Variants in TSPAN7 observed in about 807,000 individuals in gnomAD.
The protein encoded by TSPAN7 is tetraspanin-7.
A neutral mutation model predicts 17.6 loss-of-function variants in TSPAN7; 1 was observed. The observed-to-expected ratio is 0.06, with a 90% CI of 0.02 to 0.27. The LOEUF (loss-of-function observed/expected upper bound fraction) is 0.27, where lower values mean the gene tolerates loss of function less well. Ranked by LOEUF, TSPAN7 falls within the 10% of genes least tolerant of loss-of-function variation. The pLI is 1.00. For synonymous variants in TSPAN7, 78 were observed against 79.0 expected, an observed-to-expected ratio of 0.99 and a Z score of 0.07; for missense variants, 112 against 201.7, an observed-to-expected ratio of 0.56 and a Z score of 2.69.
At chrX:38,680,697 A>G (rs2069884755) in intron 5 of TSPAN7, among the ~76,000 whole-genome samples, 1 of 110,683 alleles carries the variant, frequency 9.0e-6, no homozygotes, top group Non-Finnish European at 1.9e-5. Context: ...ACTTCCCTCT[A>G]GCCAGATGAT....
chrX:38,679,890 A>G (rs1453613542), intron 5 of TSPAN7, among the ~76,000 whole-genome samples: 2 of 111,585 alleles, frequency 1.8e-5, no homozygotes, highest in African/African-American at 6.5e-5. Context: ...TCAAATTTGC[A>G]TCAGATAACT....
At chrX:38,575,846 T>G in intron 1 of TSPAN7, among the ~76,000 whole-genome samples, 1 of 111,943 alleles carries the variant, frequency 8.9e-6, no homozygotes, top group Non-Finnish European at 1.9e-5. Flanking sequence ...CTTCCTTCAT[T>G]CAGAAAGCTT....
chrX:38,659,034 A>ACACC (rs1388622996), intron 1 of TSPAN7, among the ~76,000 whole-genome samples: 1 of 85,073 alleles, frequency 1.2e-5, no homozygotes, highest in Non-Finnish European at 2.3e-5. Context: ...ACACACACAC[A>ACACC]CACACCCACA....
intron 5 of TSPAN7, 109 bp downstream of exon 5, chrX:38,675,969 G>A (rs2069851373): frequency 2.0e-6 from 2 of 984,906 alleles, no homozygotes; most frequent in Admixed American, 5.2e-5. Context: ...TCAAGGGAAA[G>A]AGAATCTTAC....
intron 5 of TSPAN7, among the ~76,000 whole-genome samples, chrX:38,678,501 G>A (rs772216713): frequency 8.9e-6 from 1 of 111,997 alleles, no homozygotes; most frequent in South Asian, 3.7e-4. Context: ...AGAGATTGTT[G>A]TGAGTAGATA....
intron 1 of TSPAN7, among the ~76,000 whole-genome samples, chrX:38,635,196 A>G (rs748012766): frequency 9.0e-6 from 1 of 111,718 alleles, no homozygotes; most frequent in African/African-American, 3.3e-5. Flanking sequence ...ACTTCCTTCC[A>G]TGAAAATAAA....
chrX:38,669,304 A>G (rs1358209451), intron 2 of TSPAN7, among the ~76,000 whole-genome samples: 1 of 111,903 alleles, frequency 8.9e-6, no homozygotes, highest in Non-Finnish European at 1.9e-5. Flanking sequence ...GGTGCGTATG[A>G]TATTTTATTT....
chrX:38,636,857 G>C (rs2069583298), intron 1 of TSPAN7, among the ~76,000 whole-genome samples: 2 of 110,720 alleles, frequency 1.8e-5, no homozygotes, highest in South Asian at 7.7e-4. Context: ...TGTATTTTTA[G>C]TACAAAAAGG....
rs190428498 is a variant in TSPAN7, at chrX:38,634,879, C to T, written c.82-31242C>T. Among the ~76,000 whole-genome samples, 139 of 110,374 alleles carry T rather than the reference C, an allele frequency of 1.3e-3. 1 individual carries two copies. The highest frequency in any genetic ancestry group is 9.1e-3 in the Admixed American group (94 of 10,317). On this transcript the variant is annotated intron_variant, in intron 1 of 7. Transcript: ENST00000378482. ...CCAGATGGTATTTCTGAACTACTGC[C>T]GCTCATGTGCATAACCTGATAAGAA...
chrX:38,618,886 G>C (rs2069472190), intron 1 of TSPAN7, among the ~76,000 whole-genome samples: 1 of 111,226 alleles, frequency 9.0e-6, no homozygotes, highest in Admixed American at 9.5e-5. Context: ...ACAGACTGTG[G>C]AACAAAGTAG....
intron 1 of TSPAN7, among the ~76,000 whole-genome samples, chrX:38,623,344 G>A (rs2069499963): frequency 1.8e-5 from 2 of 111,050 alleles, no homozygotes; most frequent in Non-Finnish European, 3.8e-5. Flanking sequence ...TAATCATGAA[G>A]AGGATTCAAC....
chrX:38,611,038 T>C (rs2069415234), intron 1 of TSPAN7, among the ~76,000 whole-genome samples: 2 of 112,181 alleles, frequency 1.8e-5, no homozygotes, highest in African/African-American at 6.5e-5. Context: ...GCAGGCCGCA[T>C]CTCAGCCAGA....
intron 4 of TSPAN7, among the ~76,000 whole-genome samples, chrX:38,675,094 A>G (rs947539489): frequency 1.8e-5 from 2 of 112,100 alleles, no homozygotes; most frequent in Non-Finnish European, 3.8e-5. Flanking sequence ...TCTTCTGTAA[A>G]GGATCAAATA....
chrX:38,569,980 G>A (rs939326176), intron 1 of TSPAN7, among the ~76,000 whole-genome samples: 1 of 111,945 alleles, frequency 8.9e-6, no homozygotes, highest in Non-Finnish European at 1.9e-5. Context: ...GATTTCAAGG[G>A]AAGTGTTCTA....
chrX:38,614,239 A>G (rs925266115), intron 1 of TSPAN7, among the ~76,000 whole-genome samples: 1 of 111,932 alleles, frequency 8.9e-6, no homozygotes, highest in African/African-American at 3.2e-5. Context: ...TACATTTTTG[A>G]CTATCCAAAG....
chrX:38,639,283 G>GA (rs774627696), intron 1 of TSPAN7, among the ~76,000 whole-genome samples: 1 of 108,475 alleles, frequency 9.2e-6, no homozygotes, highest in Admixed American at 9.9e-5. Flanking sequence ...CTTTTACAGA[G>GA]AAAAAAAATA....
At chrX:38,611,961 C>T (rs1285564171) in intron 1 of TSPAN7, among the ~76,000 whole-genome samples, 1 of 111,002 alleles carries the variant, frequency 9.0e-6, no homozygotes, top group Non-Finnish European at 1.9e-5. Flanking sequence ...TTTTTAGCAT[C>T]CAGAGTTATG....
At chrX:38,566,298 C>T (rs6651709) in intron 1 of TSPAN7, 46,704 of 941,911 alleles carry the variant, frequency 0.05, 3,966 homozygotes, top group African/African-American at 0.41. Context: ...TTCATTTCTC[C>T]TGATTTGTAT....
At position 38,646,749 on chromosome X, in the gene TSPAN7, T is replaced by G. The variant is rs183253865; in HGVS notation, c.82-19372T>G. On this transcript the variant is annotated intron_variant, in intron 1 of 7. Coordinates refer to ENST00000378482, the MANE Select transcript of TSPAN7 (RefSeq NM_004615.4). ...AAGGTGATAGAATTTGGGGATAATA[T>G]TTATTTTAAAATTCTGCCTTTAAGA... 6.9e-3 allele frequency among the ~76,000 whole-genome samples: 773 copies of G among 112,470 alleles called. 25 individuals carry two copies. The highest frequency in any genetic ancestry group is 0.059 in the Admixed American group (621 of 10,597).
Sources: gnomAD v4.1 joint callset for allele counts (sites outside exome capture counted in the v4.1 genomes callset) on GRCh38, gnomAD v4.1.1 for gene constraint, MANE v1.5 for transcripts, NCBI Gene and HGNC (gene_info 2026-07-23, HGNC 2026-07-21) for gene names.